Variants in CD5 observed in about 807,000 individuals in gnomAD.
CD5 encodes the protein T-cell surface glycoprotein CD5.
In CD5, 36 loss-of-function variants were observed where a neutral mutation model predicts 60.3. That is an observed-to-expected ratio of 0.60 (90% confidence interval 0.46 to 0.79). CD5 has a LOEUF of 0.79. Among genes scored for constraint, CD5 ranks in the 30% least tolerant of loss-of-function variants. The pLI, the probability that CD5 is intolerant of heterozygous loss-of-function variation, is 0.00. For missense variants in CD5, 540 were observed against 630.6 expected, an observed-to-expected ratio of 0.86 and a Z score of 1.54; for synonymous variants, 230 against 257.6, an observed-to-expected ratio of 0.89 and a Z score of 1.03.
At position 61,115,041 on chromosome 11, in the gene CD5, C is replaced by G. The variant is rs375170540; in HGVS notation, c.56-15C>G. 2.1e-5 allele frequency: 33 copies of G among 1,554,370 alleles called. No homozygotes were observed. In the African/African-American group the frequency reaches 3.7e-4, roughly 17 times the overall value. On this transcript the variant is annotated splice_polypyrimidine_tract_variant and intron_variant, in intron 1 of 10. Coordinates refer to ENST00000347785, the MANE Select transcript of CD5 (RefSeq NM_014207.4). ...GGAGGTTTCACTTCCTGACCCTCCT[C>G]TCTTCTTTCTGCAGTCGCTTCCTGC...
intron 1 of CD5, among the ~76,000 whole-genome samples, chr11:61,104,243 C>G (rs1789414154): frequency 6.6e-6 from 1 of 152,096 alleles, no homozygotes; most frequent in Non-Finnish European, 1.5e-5. Context: ...GATTATCTCC[C>G]CAACACATGT....
At chr11:61,094,139 C>A in the CD5 span, among the ~76,000 whole-genome samples, 1 of 151,776 alleles carries the variant, frequency 6.6e-6, no homozygotes, top group African/African-American at 2.4e-5. Flanking sequence ...GTGGAGCATC[C>A]CCGCGGGGAA....
At position 61,121,753 on chromosome 11, in the gene CD5, C is replaced by T. The variant is rs781145425; in HGVS notation, c.948C>T (p.Cys316=). The T allele has an allele frequency of 2.5e-6, 4 of 1,611,996 alleles. No homozygotes were observed. The highest frequency in any genetic ancestry group is 1.1e-5 in the South Asian group (1 of 90,880). Reference sequence around the variant, plus strand: ...GCTCGCTGCGGTGGGAGGAGGTGTGCCGGGAGCAGCAGTGTGGCAGCGTCA... The same window carrying T: ...GCTCGCTGCGGTGGGAGGAGGTGTGTCGGGAGCAGCAGTGTGGCAGCGTCA... ...ARSSLRWEEV[C]REQQCGSVNS... is the part of the protein sequence containing the mutation. Residue 316 remains cysteine (C), a synonymous_variant, in exon 6 of 11, where the codon TGC becomes TGT. Transcript: ENST00000347785.
At chr11:61,123,730 G>A (rs375850018) in intron 7 of CD5, among the ~76,000 whole-genome samples, 154 bp from the exon 8 acceptor site, 52 of 152,120 alleles carry the variant, frequency 3.4e-4, no homozygotes, top group African/African-American at 1.2e-3. Flanking sequence ...TGAGGCCTAC[G>A]AGAGACTCCA....
intron 1 of CD5, among the ~76,000 whole-genome samples, chr11:61,112,740 C>A (rs1860875534): frequency 6.6e-6 from 1 of 152,208 alleles, no homozygotes; most frequent in Non-Finnish European, 1.5e-5. Context: ...GTGAGAATAA[C>A]CTTCCCCTTC....
chr11:61,120,814 G>A (rs1214834734), intron 5 of CD5, among the ~76,000 whole-genome samples: 6 of 152,194 alleles, frequency 3.9e-5, no homozygotes, highest in Admixed American at 6.5e-5. Flanking sequence ...GGGCTGGCTC[G>A]CAGTCCCACC....
intron 1 of CD5, among the ~76,000 whole-genome samples, chr11:61,108,441 T>C (rs1860805322): frequency 2.0e-5 from 3 of 152,124 alleles, no homozygotes; most frequent in Admixed American, 1.3e-4. Context: ...CTATATGTGT[T>C]TTGCACATAA....
intron 1 of CD5, among the ~76,000 whole-genome samples, chr11:61,108,313 G>A (rs111695659): frequency 2.6e-5 from 4 of 152,302 alleles, no homozygotes; most frequent in African/African-American, 9.6e-5. Flanking sequence ...TTCTGCCCAC[G>A]ACCCACTGTC....
At chr11:61,099,098 C>T (rs1860621726), upstream of CD5, among the ~76,000 whole-genome samples, 1 of 152,240 alleles carries the variant, frequency 6.6e-6, no homozygotes, top group Admixed American at 6.5e-5. Flanking sequence ...CCGGGCTTCC[C>T]ATCTTCTTTG....
chr11:61,108,697 G>GTAC (rs1386024624), intron 1 of CD5, among the ~76,000 whole-genome samples: 2 of 152,218 alleles, frequency 1.3e-5, no homozygotes, highest in Non-Finnish European at 1.5e-5. Flanking sequence ...ATCGATGGCT[G>GTAC]TAGCTATGGG....
In CD5 at chr11:61,118,468, C is replaced by G; in HGVS notation, c.388C>G (p.Leu130Val). 6.2e-7 allele frequency: 1 copy of G among 1,614,026 alleles called. No homozygotes were observed. The highest frequency in any genetic ancestry group is 8.5e-7 in the Non-Finnish European group (1 of 1,179,910). ...AAATGACATGTGTCACTCTCTGGGC[C>G]TGACCTGCTTAGGTGGGTAACTAGC... Reference protein sequence around the residue: ...SRNDMCHSLGLTCLEPQKTTP... With the variant: ...SRNDMCHSLGVTCLEPQKTTP... Residue 130 changes from leucine (L) to valine (V), a missense_variant, in exon 3 of 11, where the codon CTG becomes GTG. Coordinates refer to ENST00000347785, the MANE Select transcript of CD5 (RefSeq NM_014207.4). The surrounding 1 kb of genome is among the most constrained non-coding windows in gnomAD (Gnocchi z 4.7).
chr11:61,122,781 C>A, intron 6 of CD5, 126 bp from the exon 7 acceptor site: 2 of 1,026,948 alleles, frequency 1.9e-6, no homozygotes, highest in South Asian at 1.7e-5. Flanking sequence ...CATTGCCTTC[C>A]GTGCATGCTG....
chr11:61,126,704 CTCCT>C lies in CD5; in HGVS notation c.*424_*427del, dbSNP rs1054279286. 4 of 152,308 alleles carry C rather than the reference CTCCT, an allele frequency of 2.6e-5. No individual in the cohort carries two copies. Among genetic ancestry groups the C allele is most frequent in the Non-Finnish European group, 5.9e-5 (4 of 68,120 alleles). 9.4% of individuals were successfully genotyped at this position (152,308 alleles called of 1,614,324 possible). A position where few individuals can be genotyped will look rare whatever the true frequency, so the allele number is the denominator to read the frequency against. On this transcript the variant is annotated 3_prime_UTR_variant, in exon 11 of 11. Transcript: ENST00000347785. ...TAGTTTTTTGTAAGTAGTGCTTTTC[CTCCT>C]TCCTGACAAATCGAGCGCTTTGGCC...
chr11:61,114,544 G>A (rs1860909313), intron 1 of CD5, among the ~76,000 whole-genome samples: 2 of 152,210 alleles, frequency 1.3e-5, no homozygotes, highest in South Asian at 2.1e-4. Flanking sequence ...AAGAGGCTGA[G>A]GTGGGAGGAT....
At chr11:61,119,603 A>G (rs901357716) in intron 5 of CD5, 28 bp downstream of exon 5, 11 of 1,534,476 alleles carry the variant, frequency 7.2e-6, no homozygotes, top group Non-Finnish European at 9.8e-6. Context: ...AAGCCCCATG[A>G]CACCTTCTGC....
At chr11:61,096,977 G>A in the CD5 span, among the ~76,000 whole-genome samples, 3 of 152,086 alleles carry the variant, frequency 2.0e-5, no homozygotes, top group African/African-American at 4.8e-5. Context: ...AGTCTCCACG[G>A]AACACCCCCC....
At chr11:61,117,045 C>T (rs1251699513) in intron 2 of CD5, among the ~76,000 whole-genome samples, 1 of 152,198 alleles carries the variant, frequency 6.6e-6, no homozygotes, top group Non-Finnish European at 1.5e-5. Context: ...TGAATGTTCA[C>T]AGCAGCCTTA....
intron 6 of CD5, among the ~76,000 whole-genome samples, chr11:61,122,658 A>G (rs1379018467): frequency 2.0e-5 from 3 of 152,096 alleles, no homozygotes; most frequent in East Asian, 1.9e-4. Context: ...TAAATAGCTT[A>G]TAACAAGTGT....
chr11:61,095,384 A>T, the CD5 span, among the ~76,000 whole-genome samples: 66,632 of 151,984 alleles, frequency 0.44, 15,766 homozygotes, highest in East Asian at 0.92. Context: ...TTGTGTATCA[A>T]CCTTTTACCT....
Sources: gnomAD v4.1 joint callset for allele counts (sites outside exome capture counted in the v4.1 genomes callset) on GRCh38, gnomAD v4.1.1 for gene constraint, Gnocchi (gnomAD v3.1) non-coding constraint, MANE v1.5 for transcripts, NCBI Gene and HGNC (gene_info 2026-07-23, HGNC 2026-07-21) for gene names.